Variants in F13A1 observed in about 807,000 individuals in gnomAD.
The protein encoded by F13A1 is coagulation factor XIII A chain.
F13A1 carries 47 observed loss-of-function variants against 80.1 expected under a neutral mutation model. That is an observed-to-expected ratio of 0.59 (90% CI 0.46 to 0.75). F13A1 has a LOEUF of 0.75. Ranked by LOEUF, F13A1 falls within the 30% of genes least tolerant of loss-of-function variation. The pLI, the probability that F13A1 is intolerant of heterozygous loss-of-function variation, is 0.00. For synonymous variants in F13A1, 349 were observed against 344.9 expected, an observed-to-expected ratio of 1.01 and a Z score of -0.13; for missense variants, 817 against 930.4, an observed-to-expected ratio of 0.88 and a Z score of 1.59.
chr6:6,197,275 A>G lies in F13A1; in HGVS notation c.1164T>C (p.Val388=), dbSNP rs1370199372. The G allele has an allele frequency of 6.2e-7, 1 of 1,614,212 alleles. No individual in the cohort carries two copies. Residue 388 remains valine (V), a synonymous_variant, in exon 9 of 15, where the codon GTT becomes GTC. Coordinates refer to ENST00000264870, the MANE Select transcript of F13A1 (RefSeq NM_000129.4). Reference sequence around the variant, plus strand: ...CCACAGCTTGCCAGCCTCCAAATCCAACAGGAAGGTCAGGCCTTGTCATCC... The same window carrying G: ...CCACAGCTTGCCAGCCTCCAAATCCGACAGGAAGGTCAGGCCTTGTCATCC... ...EAWMTRPDLP[V]GFGGWQAVDS...
intron 13 of F13A1, among the ~76,000 whole-genome samples, chr6:6,159,700 A>G (rs1760539329): frequency 6.6e-6 from 1 of 152,190 alleles, no homozygotes; most frequent in African/African-American, 2.4e-5. Flanking sequence ...TCCGGGGTCA[A>G]CAGTGATACT....
intron 12 of F13A1, among the ~76,000 whole-genome samples, chr6:6,171,287 C>A (rs1760768330): frequency 6.6e-6 from 1 of 152,202 alleles, no homozygotes; most frequent in South Asian, 2.1e-4. Flanking sequence ...ATCTGCTTTG[C>A]CTCTCATTGC....
chr6:6,194,302 C>T (rs564123607), intron 10 of F13A1, among the ~76,000 whole-genome samples: 1 of 152,232 alleles, frequency 6.6e-6, no homozygotes, highest in Non-Finnish European at 1.5e-5. Flanking sequence ...TCAGCCTCCA[C>T]CTTCCAACAC....
At chr6:6,292,424 T>C (rs1054766435) in intron 3 of F13A1, among the ~76,000 whole-genome samples, 5 of 152,104 alleles carry the variant, frequency 3.3e-5, no homozygotes, top group African/African-American at 1.2e-4. Context: ...TAAATATTTC[T>C]CAAACCCTGT....
intron 13 of F13A1, among the ~76,000 whole-genome samples, chr6:6,159,274 C>T (rs1192746347): frequency 6.6e-6 from 1 of 152,076 alleles, no homozygotes; most frequent in Non-Finnish European, 1.5e-5. Flanking sequence ...GATCAGCAGC[C>T]ACCACAGCCA....
intron 10 of F13A1, among the ~76,000 whole-genome samples, chr6:6,183,275 G>A (rs535218470): frequency 1.1e-4 from 17 of 152,170 alleles, no homozygotes; most frequent in East Asian, 1.9e-4. Context: ...TTCATAGGAC[G>A]ATTGGCAGAA....
At chr6:6,187,698 T>TC (rs1460603596) in intron 10 of F13A1, among the ~76,000 whole-genome samples, 1 of 89,144 alleles carries the variant, frequency 1.1e-5, no homozygotes, top group Non-Finnish European at 2.3e-5. Context: ...TTTTGTTGTG[T>TC]CTCTGCCTGG....
At position 6,215,361 on chromosome 6, in the gene F13A1, C is replaced by T. The variant is rs1475503557; in HGVS notation, c.1112+6672G>A. Among the ~76,000 whole-genome samples, 49 of 98,072 alleles carry T rather than the reference C, an allele frequency of 5.0e-4. 7 individuals carry two copies. In the South Asian group the frequency reaches 0.017, roughly 34 times the overall value. The allele number at this position is 98,072 out of a possible 152,430, so 64.3% of individuals were successfully genotyped here. A position where few individuals can be genotyped will look rare whatever the true frequency, so the allele number is the denominator to read the frequency against. ...TCAAGTGGGCTTCATCCCTGGGATG[C>T]AAGGCTGGTTCAATATACGGAAATC... On this transcript the variant is annotated intron_variant, in intron 8 of 14. Transcript: ENST00000264870.
chr6:6,174,525 C>T (rs1760841259), intron 12 of F13A1, 55 bp downstream of exon 12: 4 of 1,594,700 alleles, frequency 2.5e-6, no homozygotes, highest in Non-Finnish European at 3.4e-6. Flanking sequence ...TAACACCTAG[C>T]AAGACAGGGG....
chr6:6,186,999 G>A (rs568659654), intron 10 of F13A1, among the ~76,000 whole-genome samples: 4 of 113,226 alleles, frequency 3.5e-5, no homozygotes, highest in South Asian at 3.5e-4. Context: ...GTGAATGGGA[G>A]TTCACTCATG....
chr6:6,204,044 T>C (rs1761443696), intron 8 of F13A1, among the ~76,000 whole-genome samples: 1 of 152,160 alleles, frequency 6.6e-6, no homozygotes, highest in South Asian at 2.1e-4. Flanking sequence ...TCCAGAGGTA[T>C]AGGAGCCTAT....
chr6:6,147,285 C>T (rs1384819232), intron 14 of F13A1, among the ~76,000 whole-genome samples: 3 of 152,122 alleles, frequency 2.0e-5, no homozygotes, highest in Non-Finnish European at 2.9e-5. Context: ...CCAACTGTTC[C>T]CCAAAAACCT....
intron 2 of F13A1, among the ~76,000 whole-genome samples, chr6:6,318,332 T>C (rs1442447186): frequency 6.6e-6 from 1 of 152,212 alleles, no homozygotes; most frequent in African/African-American, 2.4e-5. Flanking sequence ...GGGGCAGAAC[T>C]GGGACAAGGC....
At chr6:6,181,675 T>G (rs1760988295) in intron 11 of F13A1, among the ~76,000 whole-genome samples, 1 of 152,250 alleles carries the variant, frequency 6.6e-6, no homozygotes, top group African/African-American at 2.4e-5. Context: ...TGTTTTCTAA[T>G]AGGATTATTT....
intron 12 of F13A1, among the ~76,000 whole-genome samples, chr6:6,170,623 A>C (rs1002835921): frequency 2.0e-5 from 3 of 152,202 alleles, no homozygotes; most frequent in African/African-American, 7.2e-5. Flanking sequence ...AAAGCAAAGA[A>C]AACTAAATAT....
chr6:6,316,730 C>T (rs1187893756), intron 2 of F13A1, among the ~76,000 whole-genome samples: 1 of 152,154 alleles, frequency 6.6e-6, no homozygotes, highest in Non-Finnish European at 1.5e-5. Context: ...AGTCAATGAA[C>T]ACTTATTGGT....
At chr6:6,164,388 C>T (rs1290657230) in intron 13 of F13A1, among the ~76,000 whole-genome samples, 10 of 151,896 alleles carry the variant, frequency 6.6e-5, no homozygotes, top group African/African-American at 9.7e-5. Context: ...TACTGGGTAC[C>T]GGGCTTAGTA....
chr6:6,302,126 A>G (rs894735525), intron 3 of F13A1, among the ~76,000 whole-genome samples: 3 of 152,184 alleles, frequency 2.0e-5, no homozygotes, highest in African/African-American at 7.2e-5. Context: ...TGAACGGCCT[A>G]TGAGAGTGTT....
At chr6:6,310,304 G>A (rs1428300212) in intron 2 of F13A1, among the ~76,000 whole-genome samples, 5 of 152,160 alleles carry the variant, frequency 3.3e-5, no homozygotes, top group South Asian at 2.1e-4. Context: ...GTTTCCAAAT[G>A]TAAATGACTA....
Sources: gnomAD v4.1 joint callset for allele counts (sites outside exome capture counted in the v4.1 genomes callset) on GRCh38, gnomAD v4.1.1 for gene constraint, MANE v1.5 for transcripts, NCBI Gene and HGNC (gene_info 2026-07-23, HGNC 2026-07-21) for gene names.